ABTB2: variants seen among roughly 807,000 people sequenced by gnomAD.
The protein encoded by ABTB2 is ankyrin repeat and BTB domain containing 2.
A neutral mutation model predicts 104.1 loss-of-function variants in ABTB2; 56 were observed. That is an observed-to-expected ratio of 0.54 (90% CI 0.43 to 0.67). ABTB2 has a LOEUF of 0.67. Among genes scored for constraint, ABTB2 ranks in the 30% least tolerant of loss-of-function variants. The probability of loss-of-function intolerance (pLI) is 0.00; values close to 1 mark genes in which losing one functional copy is unlikely to be tolerated. For synonymous variants in ABTB2, 606 were observed against 608.2 expected (o/e 1.00, Z 0.05); for missense variants, 1,279 against 1,407.7 (o/e 0.91, Z 1.46).
intron 14 of ABTB2, among the ~76,000 whole-genome samples, chr11:34,155,520 A>G (rs1334330639): frequency 1.3e-5 from 2 of 152,180 alleles, no homozygotes; most frequent in African/African-American, 4.8e-5. Context: ...AAAAAGAAAA[A>G]CAATTCTTTC....
In ABTB2 at chr11:34,162,825, T is replaced by C; in HGVS notation, c.1989-20A>G. 1 of 1,586,266 alleles carries C rather than the reference T, an allele frequency of 6.3e-7. No individual in the cohort carries two copies. On this transcript the variant is annotated intron_variant, in intron 9 of 16. Coordinates refer to ENST00000435224, the MANE Select transcript of ABTB2 (RefSeq NM_145804.3). Reference sequence around the variant, plus strand: ...ACGTTCCTGCAGGCCCAGGGATGAATGAAGGTGAGGGCTGAAGTCCCACAG... The same window carrying C: ...ACGTTCCTGCAGGCCCAGGGATGAACGAAGGTGAGGGCTGAAGTCCCACAG...
chr11:34,272,717 A>AAAAAAAAAC (rs1565156076), intron 1 of ABTB2, among the ~76,000 whole-genome samples: 1 of 149,138 alleles, frequency 6.7e-6, no homozygotes, highest in African/African-American at 2.5e-5. Context: ...AAAAAAAAAA[A>AAAAAAAAAC]AAAAAAAAAA....
At chr11:34,200,691 C>A (rs1172328404) in intron 2 of ABTB2, among the ~76,000 whole-genome samples, 1 of 152,168 alleles carries the variant, frequency 6.6e-6, no homozygotes, top group Non-Finnish European at 1.5e-5. Flanking sequence ...TTCAGCCACC[C>A]TGTGAAGGAG....
chr11:34,166,516 G>A (rs1038553042), intron 7 of ABTB2, among the ~76,000 whole-genome samples: 2 of 152,278 alleles, frequency 1.3e-5, no homozygotes, highest in African/African-American at 2.4e-5. Flanking sequence ...CTGAGTCCTT[G>A]TGATAGGCTA....
chr11:34,239,823 CCT>C (rs1266870322), intron 1 of ABTB2, among the ~76,000 whole-genome samples: 2 of 152,166 alleles, frequency 1.3e-5, no homozygotes, highest in Non-Finnish European at 2.9e-5. Flanking sequence ...CCCTCCCCCA[CCT>C]CTTGACAAGG....
chr11:34,356,329 G>A lies in ABTB2; in HGVS notation c.883+372C>T, dbSNP rs1039191086. Among the ~76,000 whole-genome samples the A allele has an allele frequency of 6.6e-6, 1 of 152,156 alleles. No homozygotes were observed. Among genetic ancestry groups the A allele is most frequent in the Admixed American group, 6.5e-5 (1 of 15,268 alleles). On this transcript the variant is annotated intron_variant, in intron 1 of 16. Coordinates refer to ENST00000435224, the MANE Select transcript of ABTB2 (RefSeq NM_145804.3). The surrounding 1 kb of genome is among the most constrained non-coding windows in gnomAD (Gnocchi z 4.6). ...ATCAGTCAATCTAACCAGCTGTTGG[G>A]GAAAGACAGCAGCTAGAGACCTAGT...
intron 1 of ABTB2, among the ~76,000 whole-genome samples, chr11:34,285,119 G>C (rs1266848812): frequency 6.6e-6 from 1 of 152,214 alleles, no homozygotes; most frequent in Non-Finnish European, 1.5e-5. Flanking sequence ...CAGGCGGAGG[G>C]GGGCTGTCAG....
intron 1 of ABTB2, among the ~76,000 whole-genome samples, chr11:34,291,964 G>A (rs1344184231): frequency 2.0e-5 from 3 of 151,364 alleles, no homozygotes; most frequent in Admixed American, 6.6e-5. Flanking sequence ...TCATTTAAAC[G>A]AAGGCACTAG....
chr11:34,172,929 G>C (rs985751439), intron 4 of ABTB2, among the ~76,000 whole-genome samples: 40 of 152,198 alleles, frequency 2.6e-4, no homozygotes, highest in Non-Finnish European at 7.3e-5. Context: ...CTGTGTAGCA[G>C]ACCAGCAGCT....
At chr11:34,155,917 C>T (rs1852619048) in intron 14 of ABTB2, among the ~76,000 whole-genome samples, 1 of 152,258 alleles carries the variant, frequency 6.6e-6, no homozygotes, top group South Asian at 2.1e-4. Context: ...CCTCCCCATG[C>T]AGGGCACTGA....
In ABTB2 at chr11:34,246,601, CAAAAAAAAAA is replaced by C. The variant is rs60681759; in HGVS notation, c.884-41921_884-41912del. Among the ~76,000 whole-genome samples the C allele has an allele frequency of 1.7e-3, 60 of 34,774 alleles. 1 individual carries two copies. The South Asian group carries it at 0.09, about 52-fold the overall frequency. 22.8% of individuals were successfully genotyped at this position (34,774 alleles called of 152,430 possible). A position where few individuals can be genotyped will look rare whatever the true frequency, so the allele number is the denominator to read the frequency against. On this transcript the variant is annotated intron_variant, in intron 1 of 16. Transcript: ENST00000435224. ...GGGCAATAAGAGTGAAACTCCATCT[CAAAAAAAAAA>C]AAAAAAAAAAAAAAAAGACAAATCT...
At chr11:34,194,776 GTTT>G (rs11303390) in intron 3 of ABTB2, among the ~76,000 whole-genome samples, 41,551 of 145,984 alleles carry the variant, frequency 0.28, 6,846 homozygotes, top group African/African-American at 0.46. Flanking sequence ...TAAAAATTTG[GTTT>G]TTTTTTTTTT....
chr11:34,229,512 A>G (rs1590223586), intron 1 of ABTB2, among the ~76,000 whole-genome samples: 1 of 151,812 alleles, frequency 6.6e-6, no homozygotes, highest in African/African-American at 2.4e-5. Context: ...AAAATTATTT[A>G]TTCTTTGCTA....
At chr11:34,207,404 C>T (rs546704190) in intron 1 of ABTB2, among the ~76,000 whole-genome samples, 1 of 152,348 alleles carries the variant, frequency 6.6e-6, no homozygotes, top group South Asian at 2.1e-4. Context: ...CCCAAAGAGG[C>T]CTTCACTTAA....
At chr11:34,165,995 G>A (rs1458754163) in intron 7 of ABTB2, among the ~76,000 whole-genome samples, 2 of 152,242 alleles carry the variant, frequency 1.3e-5, no homozygotes, top group African/African-American at 4.8e-5. Context: ...GGGGACAGAC[G>A]GGGCAGGGTT....
chr11:34,234,711 A>G (rs1853818036), intron 1 of ABTB2, among the ~76,000 whole-genome samples: 1 of 152,098 alleles, frequency 6.6e-6, no homozygotes, highest in African/African-American at 2.4e-5. Flanking sequence ...CAGGTAACTA[A>G]TTGCCTATTG....
chr11:34,316,257 C>T (rs1021566103), intron 1 of ABTB2, among the ~76,000 whole-genome samples: 4 of 152,202 alleles, frequency 2.6e-5, no homozygotes, highest in South Asian at 2.1e-4. Context: ...CACAGTGGCA[C>T]GGATCATACG....
rs1373046605 is a variant in ABTB2, at chr11:34,170,975, C to T, written c.1494G>A (p.Gly498=). ...TGGCTTGGTTGATGAGGTCCGTCCT[C>T]CCACAGTTGAGCATGCGGAAACCCA... ...QDLGFRMLNC[G]RTDLINQAIE... is the part of the protein sequence containing the mutation. Residue 498 remains glycine (G), a synonymous_variant, in exon 5 of 17, where the codon GGG becomes GGA. Transcript: ENST00000435224. 1 of 1,614,216 alleles carries T rather than the reference C, an allele frequency of 6.2e-7. No individual in the cohort carries two copies.
chr11:34,154,479 C>T lies in ABTB2; in HGVS notation c.2767-101G>A. On this transcript the variant is annotated intron_variant, in intron 15 of 16. Coordinates refer to ENST00000435224, the MANE Select transcript of ABTB2 (RefSeq NM_145804.3). This position sits in a 1 kb window ranked among gnomAD's most constrained non-coding sequence, Gnocchi z 4.9. ...CCGAGTGCCGTGTGCCCTGCTGCCTCCACCCTCAGGCCCCACTACCTTCTG... is the reference window on the plus strand; with the variant it reads ...CCGAGTGCCGTGTGCCCTGCTGCCTTCACCCTCAGGCCCCACTACCTTCTG... 14 of 926,330 alleles carry T rather than the reference C, an allele frequency of 1.5e-5. No individual in the cohort carries two copies. The highest frequency in any genetic ancestry group is 2.4e-5 in the Non-Finnish European group (14 of 594,912). 57.4% of individuals were successfully genotyped at this position (926,330 alleles called of 1,614,324 possible). A position where few individuals can be genotyped will look rare whatever the true frequency, so the allele number is the denominator to read the frequency against.
Sources: allele counts gnomAD v4.1 joint callset (sites outside exome capture counted in the v4.1 genomes callset), GRCh38; gene constraint gnomAD v4.1.1; non-coding constraint Gnocchi (gnomAD v3.1); transcripts MANE v1.5; gene names NCBI Gene and HGNC (gene_info 2026-07-23, HGNC 2026-07-21).